The following NME7 variants were observed in gnomAD, a reference collection of about 807,000 sequenced individuals.
NME7 encodes nucleoside diphosphate kinase 7.
In NME7, 41 loss-of-function variants were observed where a neutral mutation model predicts 49.1. The ratio of observed to expected loss-of-function variants is 0.83; its 90% confidence interval spans 0.65 to 1.08. NME7 has a LOEUF of 1.08. Ranked by LOEUF, NME7 falls within the 50% of genes least tolerant of loss-of-function variation. NME7 has a pLI of 0.00. For missense variants in NME7, 423 were observed against 463.4 expected, an observed-to-expected ratio of 0.91 and a Z score of 0.80; for synonymous variants, 139 against 150.6, an observed-to-expected ratio of 0.92 and a Z score of 0.56.
intron 7 of NME7, among the ~76,000 whole-genome samples, chr1:169,238,940 C>G (rs548140254): frequency 6.6e-6 from 1 of 152,034 alleles, no homozygotes; most frequent in African/African-American, 2.4e-5. Context: ...ATTATTTTAG[C>G]CATGCACTTG....
chr1:169,285,772 C>T (rs1402805062), intron 7 of NME7: 1 of 152,104 alleles, frequency 6.6e-6, no homozygotes, highest in Non-Finnish European at 1.5e-5. Flanking sequence ...GTTATCCATG[C>T]TGCATGTTAG....
At position 169,257,245 on chromosome 1, in the gene NME7, G is replaced by C. The variant is rs568673649; in HGVS notation, c.755-19558C>G. ...CGTGGGCATAGGACCCTCCAAGCCA[G>C]GTGCGGGATATAATCTCGTGGTGCG... is the stretch of plus-strand genomic sequence containing the variant. On this transcript the variant is annotated intron_variant, in intron 7 of 11. Coordinates refer to ENST00000367811, the MANE Select transcript of NME7 (RefSeq NM_013330.5). Among the ~76,000 whole-genome samples the C allele has an allele frequency of 3.4e-4, 46 of 134,806 alleles. 9 individuals carry two copies. The highest frequency in any genetic ancestry group is 3.8e-3 in the Middle Eastern group (1 of 260). 88.4% of individuals were successfully genotyped at this position (134,806 alleles called of 152,430 possible).
intron 11 of NME7, among the ~76,000 whole-genome samples, chr1:169,141,391 A>G (rs1042063110): frequency 6.6e-6 from 1 of 152,218 alleles, no homozygotes; most frequent in Non-Finnish European, 1.5e-5. Flanking sequence ...GTAAACTTCA[A>G]CAGGATTACC....
chr1:169,230,666 A>T, intron 10 of NME7, 52 bp downstream of exon 10: 1 of 1,239,236 alleles, frequency 8.1e-7, no homozygotes, highest in South Asian at 1.9e-5. Context: ...AAACCTGTTA[A>T]AATAGTGAAT....
At chr1:169,150,187 A>G (rs1658873283) in intron 11 of NME7, among the ~76,000 whole-genome samples, 1 of 152,072 alleles carries the variant, frequency 6.6e-6, no homozygotes, top group African/African-American at 2.4e-5. Flanking sequence ...TACAATATGT[A>G]TATATATTGT....
chr1:169,241,567 C>T (rs1366478266), intron 7 of NME7, among the ~76,000 whole-genome samples: 1 of 151,738 alleles, frequency 6.6e-6, no homozygotes, highest in Non-Finnish European at 1.5e-5. Flanking sequence ...ATATCTATTA[C>T]AAATTCTAAG....
At chr1:169,276,217 G>A (rs182341474) in intron 7 of NME7, among the ~76,000 whole-genome samples, 1 of 133,974 alleles carries the variant, frequency 7.5e-6, no homozygotes, top group East Asian at 2.0e-4. Flanking sequence ...GAGTTAGGGA[G>A]GATTCCCTCT....
chr1:169,295,148 T>C (rs1429572883), intron 6 of NME7, among the ~76,000 whole-genome samples: 1 of 152,176 alleles, frequency 6.6e-6, no homozygotes, highest in Non-Finnish European at 1.5e-5. Context: ...TGCCCAATCT[T>C]GATGTCCCAG....
At chr1:169,222,576 C>T (rs767469175) in intron 10 of NME7, among the ~76,000 whole-genome samples, 1 of 151,990 alleles carries the variant, frequency 6.6e-6, no homozygotes, top group Non-Finnish European at 1.5e-5. Context: ...CCAAATTGAC[C>T]AGACCTGCTT....
chr1:169,225,546 G>A (rs1647297989), intron 10 of NME7, among the ~76,000 whole-genome samples: 1 of 152,158 alleles, frequency 6.6e-6, no homozygotes, highest in Admixed American at 6.5e-5. Flanking sequence ...AGGTAATAGG[G>A]AGCCACTGCA....
At chr1:169,219,843 AATAG>A (rs1477229850) in intron 10 of NME7, among the ~76,000 whole-genome samples, 22 of 152,250 alleles carry the variant, frequency 1.4e-4, no homozygotes, top group African/African-American at 5.3e-4. Flanking sequence ...TGAATTTATG[AATAG>A]ATAATGACAG....
At chr1:169,180,496 C>T (rs773127693) in intron 10 of NME7, among the ~76,000 whole-genome samples, 1 of 152,214 alleles carries the variant, frequency 6.6e-6, no homozygotes, top group African/African-American at 2.4e-5. Flanking sequence ...TTGGGGCAAA[C>T]TCTCTTTAAA....
At chr1:169,203,617 C>T (rs1366897421) in intron 10 of NME7, among the ~76,000 whole-genome samples, 1 of 152,044 alleles carries the variant, frequency 6.6e-6, no homozygotes, top group Admixed American at 6.6e-5. Flanking sequence ...CGTAGAATGG[C>T]CAGAACCATT....
intron 11 of NME7, among the ~76,000 whole-genome samples, chr1:169,138,803 GA>G (rs1644329574): frequency 6.6e-6 from 1 of 152,136 alleles, no homozygotes; most frequent in East Asian, 1.9e-4. Context: ...ACCCACTAAG[GA>G]GAAAATTCCC....
intron 11 of NME7, among the ~76,000 whole-genome samples, chr1:169,147,506 T>A (rs1658791610): frequency 6.6e-6 from 1 of 152,238 alleles, no homozygotes; most frequent in African/African-American, 2.4e-5. Context: ...GTTACTCATC[T>A]GTAAATGAAG....
intron 4 of NME7, among the ~76,000 whole-genome samples, chr1:169,306,117 T>C (rs746614766): frequency 6.6e-5 from 10 of 152,152 alleles, no homozygotes; most frequent in Non-Finnish European, 1.0e-4. Context: ...TGAGATGTGA[T>C]AAAGCACAAC....
At chr1:169,216,135 A>G (rs963883970) in intron 10 of NME7, among the ~76,000 whole-genome samples, 10 of 152,162 alleles carry the variant, frequency 6.6e-5, no homozygotes, top group East Asian at 3.9e-4. Flanking sequence ...CTGGGATACA[A>G]CTCCTAGAAT....
intron 10 of NME7, among the ~76,000 whole-genome samples, chr1:169,179,175 C>A (rs72706918): frequency 6.6e-6 from 1 of 152,272 alleles, no homozygotes; most frequent in Non-Finnish European, 1.5e-5. Context: ...AATAATGGAT[C>A]TAATACATGT....
intron 7 of NME7, among the ~76,000 whole-genome samples, chr1:169,258,591 TTTAAA>T (rs2101860261): frequency 7.7e-6 from 1 of 130,198 alleles, no homozygotes; most frequent in East Asian, 2.0e-4. Context: ...TTTTGTTTGT[TTTAAA>T]TGGCTCTGAT....
Sources: allele counts gnomAD v4.1 joint callset (sites outside exome capture counted in the v4.1 genomes callset), GRCh38; gene constraint gnomAD v4.1.1; transcripts MANE v1.5; gene names NCBI Gene and HGNC (gene_info 2026-07-23, HGNC 2026-07-21).